PXDNL: variants seen among roughly 807,000 people sequenced by gnomAD.
PXDNL encodes the protein probable oxidoreductase PXDNL.
Under a neutral mutation model 150.8 loss-of-function variants are expected in PXDNL, and 145 were observed. The observed-to-expected ratio is 0.96, with a 90% CI of 0.84 to 1.10. The LOEUF is 1.10. PXDNL is among the 50% of genes least tolerant of loss of function. The pLI is 0.00. For missense variants in PXDNL, 2,087 were observed against 1,873.9 expected (o/e 1.11, Z -2.10); for synonymous variants, 757 against 725.7 (o/e 1.04, Z -0.69).
At chr8:51,466,361 C>T (rs547447784) in intron 8 of PXDNL, among the ~76,000 whole-genome samples, 2 of 152,026 alleles carry the variant, frequency 1.3e-5, no homozygotes, top group African/African-American at 2.4e-5. Context: ...AAAGATGAAA[C>T]GAGACCCCTA....
At chr8:51,403,153 A>C (rs1217556932) in intron 17 of PXDNL, among the ~76,000 whole-genome samples, 5 of 152,148 alleles carry the variant, frequency 3.3e-5, no homozygotes, top group Admixed American at 6.5e-5. Flanking sequence ...GAGAGCAAGA[A>C]TAATCTTATA....
chr8:51,746,223 A>C (rs2036983258), intron 1 of PXDNL, among the ~76,000 whole-genome samples: 1 of 152,192 alleles, frequency 6.6e-6, no homozygotes, highest in Non-Finnish European at 1.5e-5. Flanking sequence ...GCCAAAATGC[A>C]CCTGCAATTA....
intron 17 of PXDNL, among the ~76,000 whole-genome samples, chr8:51,391,441 G>T (rs1423146573): frequency 1.3e-5 from 2 of 152,162 alleles, no homozygotes; most frequent in South Asian, 2.1e-4. Flanking sequence ...ATTCTAACTG[G>T]TGTGAGATGG....
chr8:51,496,896 G>A (rs1361383249), intron 5 of PXDNL, among the ~76,000 whole-genome samples: 2 of 152,086 alleles, frequency 1.3e-5, no homozygotes, highest in Non-Finnish European at 2.9e-5. Flanking sequence ...TCCCCATCAA[G>A]CTACCAATGA....
At chr8:51,323,770 G>C (rs1164886941) in intron 21 of PXDNL, among the ~76,000 whole-genome samples, 1 of 151,868 alleles carries the variant, frequency 6.6e-6, no homozygotes, top group African/African-American at 2.4e-5. Context: ...AAGAAAATTA[G>C]CCGGGCGTAG....
intron 2 of PXDNL, among the ~76,000 whole-genome samples, chr8:51,604,572 C>G (rs1813800446): frequency 6.6e-6 from 1 of 152,142 alleles, no homozygotes; most frequent in South Asian, 2.1e-4. Context: ...ATGGGTGCAG[C>G]ACACCAACAT....
At position 51,556,893 on chromosome 8, in the gene PXDNL, T is replaced by C. The variant is rs374032257; in HGVS notation, c.327A>G (p.Glu109=). The stretch of plus-strand genomic sequence containing the variant: ...ATGTTTGCTTATCTAGTGCATGGAT[T>C]TCATTCTTATACAGGTACCTGGAAA... ...NLLYLYLYKN[E]IHALDKQTFK... The change falls in exon 4 of 23, where the codon GAA becomes GAG. Residue 109 remains glutamate, a synonymous_variant. Transcript: ENST00000356297. 3.1e-4 allele frequency: 494 copies of C among 1,571,620 alleles called. No individual in the cohort carries two copies. The highest frequency in any genetic ancestry group is 4.0e-4 in the Non-Finnish European group (459 of 1,142,264).
At chr8:51,392,932 G>A (rs977971654) in intron 17 of PXDNL, among the ~76,000 whole-genome samples, 2 of 152,278 alleles carry the variant, frequency 1.3e-5, no homozygotes, top group African/African-American at 4.8e-5. Flanking sequence ...GAAGATTAGA[G>A]AGTACACTAT....
chr8:51,547,991 C>T (rs563335562), intron 4 of PXDNL, among the ~76,000 whole-genome samples: 54 of 151,196 alleles, frequency 3.6e-4, no homozygotes, highest in Non-Finnish European at 2.8e-4. Context: ...AAAGAAAACA[C>T]AATCACAACT....
At chr8:51,752,667 G>GTACTGA (rs1554512534) in intron 1 of PXDNL, among the ~76,000 whole-genome samples, 2 of 151,994 alleles carry the variant, frequency 1.3e-5, no homozygotes, top group Non-Finnish European at 2.9e-5. Context: ...AAGGTGTACT[G>GTACTGA]TCCTCATTGT....
intron 1 of PXDNL, among the ~76,000 whole-genome samples, chr8:51,710,728 A>G (rs775992361): frequency 6.6e-6 from 1 of 152,232 alleles, no homozygotes; most frequent in Non-Finnish European, 1.5e-5. Flanking sequence ...TTCATTTAGC[A>G]TAATGTCTTC....
intron 3 of PXDNL, among the ~76,000 whole-genome samples, chr8:51,570,106 G>C (rs1397721153): frequency 6.6e-6 from 1 of 151,878 alleles, no homozygotes; most frequent in Non-Finnish European, 1.5e-5. Context: ...TGAGACACAA[G>C]TAGACATTTG....
intron 4 of PXDNL, among the ~76,000 whole-genome samples, chr8:51,545,700 A>G (rs1252578213): frequency 1.3e-5 from 2 of 152,196 alleles, no homozygotes; most frequent in East Asian, 3.9e-4. Flanking sequence ...TTCATAAGGA[A>G]CCCAATCCCA....
intron 4 of PXDNL, among the ~76,000 whole-genome samples, chr8:51,530,143 G>C (rs1292250090): frequency 6.6e-6 from 1 of 152,150 alleles, no homozygotes; most frequent in African/African-American, 2.4e-5. Flanking sequence ...TGCATCTGGA[G>C]TTCATGGCAG....
intron 14 of PXDNL, among the ~76,000 whole-genome samples, chr8:51,418,406 A>T (rs576143485): frequency 6.6e-6 from 1 of 152,326 alleles, no homozygotes; most frequent in East Asian, 1.9e-4. Context: ...CACTTCATTA[A>T]TGTTTGAATA....
chr8:51,678,532 C>A (rs1179818658), intron 1 of PXDNL, among the ~76,000 whole-genome samples: 1 of 151,262 alleles, frequency 6.6e-6, no homozygotes, highest in East Asian at 1.9e-4. Flanking sequence ...GAATACTATG[C>A]AGCCATAAAA....
chr8:51,745,590 C>G (rs2036974738), intron 1 of PXDNL, among the ~76,000 whole-genome samples: 1 of 152,168 alleles, frequency 6.6e-6, no homozygotes, highest in South Asian at 2.1e-4. Context: ...CCACCCTGTT[C>G]CCAGAGTCAT....
In PXDNL at chr8:51,466,611, TACAG is replaced by T. The variant is rs545223174; in HGVS notation, c.812+5572_812+5575del. Among the ~76,000 whole-genome samples, 3 of 152,208 alleles carry T rather than the reference TACAG, an allele frequency of 2.0e-5. No homozygotes were observed. The East Asian group carries it at 5.8e-4, about 29-fold the overall frequency. ...CTATCAACAGAATAAATAGACAACT[TACAG>T]TCTGGGAGAAAGTATCCACAAACTA... On this transcript the variant is annotated intron_variant, in intron 8 of 22. Coordinates refer to ENST00000356297, the MANE Select transcript of PXDNL (RefSeq NM_144651.5).
In PXDNL at chr8:51,621,565, C is replaced by A. The variant is rs142016896; in HGVS notation, c.237-28867G>T. On this transcript the variant is annotated intron_variant, in intron 2 of 22. Transcript: ENST00000356297. ...TAGACGGGATTCTAAGATGCCAGAC[C>A]CCAGGATCTATTCCTCAAGAATGGG... Among the ~76,000 whole-genome samples, 240 of 151,604 alleles carry A rather than the reference C, an allele frequency of 1.6e-3. 3 individuals carry two copies. Among genetic ancestry groups the A allele is most frequent in the African/African-American group, 5.5e-3 (227 of 41,348 alleles).
Sources: allele counts gnomAD v4.1 joint callset (sites outside exome capture counted in the v4.1 genomes callset), GRCh38; gene constraint gnomAD v4.1.1; transcripts MANE v1.5; gene names NCBI Gene and HGNC (gene_info 2026-07-23, HGNC 2026-07-21).